The following CASTOR2 variants were observed in gnomAD, a reference collection of about 807,000 sequenced individuals.
CASTOR2 encodes cytosolic arginine sensor for mTORC1 subunit 2.
In CASTOR2, 8 loss-of-function variants were observed where a neutral mutation model predicts 31.2. The observed-to-expected ratio is 0.26, with a 90% CI of 0.15 to 0.46. CASTOR2 has a LOEUF of 0.46. Among genes scored for constraint, CASTOR2 ranks in the 20% least tolerant of loss-of-function variants. CASTOR2 has a pLI of 0.99. For missense variants in CASTOR2, 216 were observed against 382.1 expected (o/e 0.57, Z 3.62); for synonymous variants, 162 against 158.7 (o/e 1.02, Z -0.16).
At chr7:74,977,184 CAAAA>C (rs1160729242) in intron 1 of CASTOR2, among the ~76,000 whole-genome samples, 2 of 36,052 alleles carry the variant, frequency 5.5e-5, no homozygotes, top group African/African-American at 2.0e-4. Flanking sequence ...AACTCCATCT[CAAAA>C]AAAAAAAAAA....
At chr7:75,006,279 G>T (rs1346876212) in intron 1 of CASTOR2, among the ~76,000 whole-genome samples, 2 of 152,208 alleles carry the variant, frequency 1.3e-5, no homozygotes, top group Non-Finnish European at 2.9e-5. Flanking sequence ...GCAAGACCCT[G>T]ACTCTAAAAA....
At chr7:75,018,936 C>T in intron 4 of CASTOR2, 36 bp from the exon 5 acceptor site, 3 of 1,551,754 alleles carry the variant, frequency 1.9e-6, no homozygotes, top group Non-Finnish European at 1.7e-6. Context: ...GCTTTCAGTC[C>T]CAGCCTCAGT....
intron 1 of CASTOR2, among the ~76,000 whole-genome samples, chr7:74,991,876 C>CA (rs1232930549): frequency 6.6e-6 from 1 of 152,020 alleles, no homozygotes. Context: ...ATCGTGGAGA[C>CA]AGTGGGAGCC....
chr7:75,022,079 G>C, intron 7 of CASTOR2, 123 bp downstream of exon 7: 1 of 1,201,866 alleles, frequency 8.3e-7, no homozygotes, highest in Non-Finnish European at 1.2e-6. Flanking sequence ...TGAGGCTTGG[G>C]GAGCCTGAAA....
chr7:75,028,116 ATTTTTT>A lies in CASTOR2; in HGVS notation c.*3431_*3436del. 6.3e-6 allele frequency: 8 copies of A among 1,263,746 alleles called. No individual in the cohort carries two copies. The highest frequency in any genetic ancestry group is 6.3e-6 in the Non-Finnish European group (6 of 959,132). The allele number at this position is 1,263,746 out of a possible 1,614,324, so 78.3% of individuals were successfully genotyped here. ...GGAAGAGGGCTCTCTATGATGTGGA[ATTTTTT>A]TTTTTTTTTTTTTGAGACGGAGTCT... On this transcript the variant is annotated 3_prime_UTR_variant, in exon 9 of 9. Coordinates refer to ENST00000616305, the MANE Select transcript of CASTOR2 (RefSeq NM_001145064.3).
At chr7:75,012,830 G>A (rs1342584913) in intron 2 of CASTOR2, among the ~76,000 whole-genome samples, 2 of 151,832 alleles carry the variant, frequency 1.3e-5, no homozygotes, top group African/African-American at 4.8e-5. Context: ...GTAGAGACAG[G>A]GTTTCACCAT....
At chr7:75,015,312 T>G (rs1429973360) in intron 2 of CASTOR2, among the ~76,000 whole-genome samples, 6 of 152,146 alleles carry the variant, frequency 3.9e-5, no homozygotes, top group Admixed American at 3.9e-4. Context: ...CTGTGTCACC[T>G]AGGCTGGAGT....
Position 75,029,993 on chromosome 7 carries a change from A to G in CASTOR2, c.*5294A>G, listed in dbSNP as rs1049504180. On this transcript the variant is annotated 3_prime_UTR_variant, in exon 9 of 9. Coordinates refer to ENST00000616305, the MANE Select transcript of CASTOR2 (RefSeq NM_001145064.3). ...GTCAACATAGCAAGACCCTGCCTCT[A>G]CAAGAAAATAACGAAAGAGGCCCCA... Among the ~76,000 whole-genome samples the G allele has an allele frequency of 6.6e-6, 1 of 152,234 alleles. No individual in the cohort carries two copies. Among genetic ancestry groups the G allele is most frequent in the Admixed American group, 6.5e-5 (1 of 15,284 alleles).
chr7:75,011,472 C>T (rs1337281059), intron 2 of CASTOR2, among the ~76,000 whole-genome samples: 5 of 148,784 alleles, frequency 3.4e-5, no homozygotes, highest in African/African-American at 9.9e-5. Context: ...CGGTGGCTCA[C>T]GCCTATAATC....
chr7:75,003,151 TAAG>T (rs1476054755), intron 1 of CASTOR2, among the ~76,000 whole-genome samples: 3 of 151,934 alleles, frequency 2.0e-5, no homozygotes, highest in East Asian at 1.9e-4. Flanking sequence ...TAGCTTGAAT[TAAG>T]AAGTGGTGTG....
intron 1 of CASTOR2, among the ~76,000 whole-genome samples, chr7:74,985,098 C>T (rs1382036927): frequency 6.6e-6 from 1 of 152,164 alleles, no homozygotes; most frequent in Non-Finnish European, 1.5e-5. Context: ...GATTGAGCCA[C>T]AGCACTCCAT....
At chr7:75,015,241 TCACC>T (rs1267792780) in intron 2 of CASTOR2, among the ~76,000 whole-genome samples, 7 of 152,304 alleles carry the variant, frequency 4.6e-5, no homozygotes, top group African/African-American at 1.4e-4. Flanking sequence ...CTGCCTTGGC[TCACC>T]CATCTTTGAG....
At position 75,007,977 on chromosome 7, in the gene CASTOR2, T is replaced by A; in HGVS notation, c.114-17T>A. 2 of 1,613,952 alleles carry A rather than the reference T, an allele frequency of 1.2e-6. No homozygotes were observed. Among genetic ancestry groups the A allele is most frequent in the Admixed American group, 1.7e-5 (1 of 60,016 alleles). ...GCCTGGACTAATGAGATATTCTGTG[T>A]CTGTCCATCCATCCAGGTGCAAGTT... is the stretch of plus-strand genomic sequence containing the variant. On this transcript the variant is annotated splice_polypyrimidine_tract_variant and intron_variant, in intron 1 of 8. Coordinates refer to ENST00000616305, the MANE Select transcript of CASTOR2 (RefSeq NM_001145064.3).
chr7:75,007,209 A>T (rs1274205375), intron 1 of CASTOR2, among the ~76,000 whole-genome samples: 1 of 151,964 alleles, frequency 6.6e-6, no homozygotes, highest in Non-Finnish European at 1.5e-5. Context: ...TGTTGAGGGG[A>T]TGATGACCCC....
chr7:75,014,419 C>CAAAAAAAAAAAA (rs1193842037), intron 2 of CASTOR2, among the ~76,000 whole-genome samples: 11 of 57,540 alleles, frequency 1.9e-4, no homozygotes, highest in African/African-American at 6.1e-4. Flanking sequence ...ACTAAAAATA[C>CAAAAAAAAAAAA]AAAAAAAAAA....
intron 4 of CASTOR2, among the ~76,000 whole-genome samples, chr7:75,018,413 C>T (rs1254613911): frequency 6.6e-6 from 1 of 152,164 alleles, no homozygotes; most frequent in Non-Finnish European, 1.5e-5. Context: ...GTGGTGCATA[C>T]TTGTAATTCC....
intron 1 of CASTOR2, among the ~76,000 whole-genome samples, chr7:74,985,439 G>C (rs2131924859): frequency 6.6e-6 from 1 of 151,890 alleles, no homozygotes; most frequent in Admixed American, 6.6e-5. Flanking sequence ...CAAGTAGCTG[G>C]GCATGGTGAT....
At chr7:75,000,713 A>G (rs1464083976) in intron 1 of CASTOR2, among the ~76,000 whole-genome samples, 1 of 152,126 alleles carries the variant, frequency 6.6e-6, no homozygotes, top group African/African-American at 2.4e-5. Context: ...TCTGGAGTGC[A>G]GTGGCACAAT....
rs1486815547 is a variant in CASTOR2, at chr7:75,024,420, G to C, written c.830-20G>C. The C allele has an allele frequency of 6.4e-7, 1 of 1,551,376 alleles. No individual in the cohort carries two copies. Among genetic ancestry groups the C allele is most frequent in the Non-Finnish European group, 8.7e-7 (1 of 1,146,780 alleles). ...GTAGCCAGGTTACACAGAGGCTAAGGACGGTCTCTCCTGTTCTAGATGAGT... is the reference window on the plus strand; with the variant it reads ...GTAGCCAGGTTACACAGAGGCTAAGCACGGTCTCTCCTGTTCTAGATGAGT... On this transcript the variant is annotated intron_variant, in intron 7 of 8. Coordinates refer to ENST00000616305, the MANE Select transcript of CASTOR2 (RefSeq NM_001145064.3).
Sources: gnomAD v4.1 joint callset for allele counts (sites outside exome capture counted in the v4.1 genomes callset) on GRCh38, gnomAD v4.1.1 for gene constraint, MANE v1.5 for transcripts, NCBI Gene and HGNC (gene_info 2026-07-23, HGNC 2026-07-21) for gene names.